MCTP2: variants seen among roughly 807,000 people sequenced by gnomAD.
MCTP2 encodes the protein multiple C2 and transmembrane domain containing 2.
MCTP2 carries 132 observed loss-of-function variants against 111.6 expected under a neutral mutation model. That is an observed-to-expected ratio of 1.18 (90% confidence interval 1.03 to 1.37). The LOEUF (loss-of-function observed/expected upper bound fraction) is 1.37. Among genes scored for constraint, MCTP2 ranks in the 40% most tolerant of loss-of-function variants. The pLI, the probability that MCTP2 is intolerant of heterozygous loss-of-function variation, is 0.00. For synonymous variants in MCTP2, 395 were observed against 387.7 expected (o/e 1.02, Z -0.22); for missense variants, 1,183 against 1,067.9 (o/e 1.11, Z -1.50).
At chr15:94,372,936 G>A (rs1056793536) in intron 12 of MCTP2, among the ~76,000 whole-genome samples, 1 of 152,168 alleles carries the variant, frequency 6.6e-6, no homozygotes, top group Non-Finnish European at 1.5e-5. Context: ...ACAACATGAA[G>A]TAACCACAAT....
At chr15:94,333,674 T>G (rs1263839110) in intron 4 of MCTP2, among the ~76,000 whole-genome samples, 1 of 152,206 alleles carries the variant, frequency 6.6e-6, no homozygotes, top group Non-Finnish European at 1.5e-5. Context: ...CTATAGTTCT[T>G]GGTGACTCTT....
At chr15:94,243,192 T>C (rs1303189566) in intron 1 of MCTP2, among the ~76,000 whole-genome samples, 1 of 147,828 alleles carries the variant, frequency 6.8e-6, no homozygotes, top group Non-Finnish European at 1.5e-5. Flanking sequence ...CGTATGCGTA[T>C]ATACGTATGC....
chr15:94,448,450 G>A (rs978768591), intron 19 of MCTP2, among the ~76,000 whole-genome samples: 1 of 152,104 alleles, frequency 6.6e-6, no homozygotes, highest in Non-Finnish European at 1.5e-5. Flanking sequence ...TGATTTTTTC[G>A]TAGTCTATAT....
At position 94,355,972 on chromosome 15, in the gene MCTP2, A is replaced by T. The variant is rs2078598756; in HGVS notation, c.1006-165A>T. On this transcript the variant is annotated intron_variant, in intron 8 of 22. Transcript: ENST00000357742. ...CCAAAGCTTGAGAAGGAAGTCACAT[A>T]ACTGTGACAGCAGGTTTGCAAAACC... The T allele has an allele frequency of 2.3e-6, 3 of 1,294,114 alleles. No homozygotes were observed. The East Asian group carries it at 9.7e-5, about 42-fold the overall frequency. 80.2% of individuals were successfully genotyped at this position (1,294,114 alleles called of 1,614,324 possible). A position where few individuals can be genotyped will look rare whatever the true frequency, so the allele number is the denominator to read the frequency against.
chr15:94,469,701 T>G (rs552317723), intron 20 of MCTP2, among the ~76,000 whole-genome samples: 1 of 151,960 alleles, frequency 6.6e-6, no homozygotes, highest in Admixed American at 6.6e-5. Context: ...ACGCCAGAGC[T>G]CTACAAAAAT....
At chr15:94,297,407 AG>A (rs2075323075) in intron 1 of MCTP2, among the ~76,000 whole-genome samples, 1 of 152,156 alleles carries the variant, frequency 6.6e-6, no homozygotes, top group Non-Finnish European at 1.5e-5. Flanking sequence ...GCTTTGTTTA[AG>A]GGCTTCATTA....
intron 1 of MCTP2, among the ~76,000 whole-genome samples, chr15:94,253,655 G>A (rs996379131): frequency 6.6e-6 from 1 of 152,000 alleles, no homozygotes; most frequent in African/African-American, 2.4e-5. Flanking sequence ...GAGAATAAAT[G>A]GGGTGTGTAT....
chr15:94,405,650 T>G (rs1038087733), intron 17 of MCTP2, among the ~76,000 whole-genome samples: 2 of 152,238 alleles, frequency 1.3e-5, no homozygotes, highest in Non-Finnish European at 2.9e-5. Flanking sequence ...ATGTTAATGT[T>G]GCTGCATAGT....
intron 1 of MCTP2, among the ~76,000 whole-genome samples, chr15:94,262,060 C>T (rs1289972925): frequency 6.6e-6 from 1 of 152,120 alleles, no homozygotes; most frequent in African/African-American, 2.4e-5. Flanking sequence ...ATTGTCTTTA[C>T]ACATCACAGC....
chr15:94,419,467 A>G (rs7165268), intron 17 of MCTP2, among the ~76,000 whole-genome samples: 151,921 of 152,212 alleles, frequency 1, 75,816 homozygotes, highest in Middle Eastern at 1. Context: ...GGAAAGGGAG[A>G]GTCAGGGCAG....
At chr15:94,436,044 T>C (rs2083459766) in intron 17 of MCTP2, among the ~76,000 whole-genome samples, 1 of 152,188 alleles carries the variant, frequency 6.6e-6, no homozygotes, top group Non-Finnish European at 1.5e-5. Flanking sequence ...ACTGCTTGAG[T>C]GTGCTCTGCA....
intron 8 of MCTP2, among the ~76,000 whole-genome samples, chr15:94,348,704 G>GT (rs1363210849): frequency 6.6e-6 from 1 of 151,338 alleles, no homozygotes; most frequent in Non-Finnish European, 1.5e-5. Context: ...CCAGGAAGTA[G>GT]TACAAGTAAA....
At chr15:94,314,889 G>A (rs1279882736) in intron 3 of MCTP2, 2 of 397,558 alleles carry the variant, frequency 5.0e-6, no homozygotes, top group African/African-American at 4.2e-5. Context: ...ATTAGAGTAA[G>A]AGACACTAAG....
intron 10 of MCTP2, among the ~76,000 whole-genome samples, chr15:94,360,217 T>C (rs771551739): frequency 6.6e-6 from 1 of 152,324 alleles, no homozygotes; most frequent in East Asian, 1.9e-4. Context: ...GCTTGTCTGT[T>C]AGATTGCAAT....
At chr15:94,272,377 C>T (rs999195057) in intron 1 of MCTP2, among the ~76,000 whole-genome samples, 1 of 152,122 alleles carries the variant, frequency 6.6e-6, no homozygotes, top group Non-Finnish European at 1.5e-5. Context: ...AACACTGTAG[C>T]CAGAGAAGCA....
intron 12 of MCTP2, among the ~76,000 whole-genome samples, chr15:94,383,194 G>C (rs865917705): frequency 6.6e-6 from 1 of 152,138 alleles, no homozygotes; most frequent in African/African-American, 2.4e-5. Flanking sequence ...ATTTGCTCAG[G>C]AGCAGAGCTT....
intron 19 of MCTP2, among the ~76,000 whole-genome samples, chr15:94,455,089 T>G (rs1229910451): frequency 6.6e-6 from 1 of 152,260 alleles, no homozygotes; most frequent in Non-Finnish European, 1.5e-5. Flanking sequence ...CCCAGAGTAC[T>G]GGGATTGCAG....
At chr15:94,332,446 T>C (rs903936466) in intron 4 of MCTP2, among the ~76,000 whole-genome samples, 4 of 152,196 alleles carry the variant, frequency 2.6e-5, no homozygotes, top group African/African-American at 9.7e-5. Flanking sequence ...CCCTATTAGA[T>C]AAAAAATTTA....
Position 94,385,464 on chromosome 15 carries a change from T to C in MCTP2, c.1727T>C (p.Phe576Ser), listed in dbSNP as rs748238422. 11 of 1,613,450 alleles carry C rather than the reference T, an allele frequency of 6.8e-6. No homozygotes were observed. The highest frequency in any genetic ancestry group is 7.6e-6 in the Non-Finnish European group (9 of 1,179,722). Reference protein sequence around the residue: ...DIHDVLEVTVFDEDGDKPPDF... With the variant: ...DIHDVLEVTVSDEDGDKPPDF... ...CATGATGTTTTGGAAGTGACAGTGT[T>C]TGATGAAGATGGAGATAAACCCCCA... Residue 576 changes from phenylalanine to serine, a missense_variant, in exon 14 of 23, where the codon TTT becomes TCT. By Grantham distance (155) the Phe-to-Ser change is radical (BLOSUM62 -2). Transcript: ENST00000357742.
Sources: gnomAD v4.1 joint callset for allele counts (sites outside exome capture counted in the v4.1 genomes callset) on GRCh38, gnomAD v4.1.1 for gene constraint, MANE v1.5 for transcripts, NCBI Gene and HGNC (gene_info 2026-07-23, HGNC 2026-07-21) for gene names.